Variants in SPATS2 observed in about 807,000 individuals in gnomAD.
SPATS2 encodes the protein spermatogenesis associated serine rich 2.
In SPATS2, 38 loss-of-function variants were observed where a neutral mutation model predicts 63.7. The observed-to-expected ratio is 0.60, with a 90% CI of 0.46 to 0.78. SPATS2 has a LOEUF of 0.78. SPATS2 is among the 30% of genes least tolerant of loss of function. The pLI is 0.00. For missense variants in SPATS2, 588 were observed against 666.2 expected (o/e 0.88, Z 1.29); for synonymous variants, 207 against 232.9 (o/e 0.89, Z 1.01).
chr12:49,491,054 G>A (rs1946374232), intron 6 of SPATS2: 1 of 183,352 alleles, frequency 5.5e-6, no homozygotes, highest in South Asian at 1.1e-4. Flanking sequence ...TGAGGCAGGA[G>A]AATAACTTGA....
At chr12:49,467,143 G>A (rs1036945429) in intron 3 of SPATS2, among the ~76,000 whole-genome samples, 3 of 143,474 alleles carry the variant, frequency 2.1e-5, no homozygotes, top group Non-Finnish European at 4.5e-5. Context: ...CTGCCTCCCA[G>A]GTTCAGGAGA....
intron 2 of SPATS2, among the ~76,000 whole-genome samples, chr12:49,391,520 T>C (rs1277294286): frequency 6.6e-6 from 1 of 152,024 alleles, no homozygotes; most frequent in Admixed American, 6.6e-5. Flanking sequence ...TCAAAAAATA[T>C]GTATATTTTA....
chr12:49,504,770 C>CTTTTTTTTTTTTTTTTTTTTTTTTTT (rs745453843), intron 9 of SPATS2, among the ~76,000 whole-genome samples: 1 of 98,860 alleles, frequency 1.0e-5, no homozygotes, highest in Non-Finnish European at 2.1e-5. Flanking sequence ...TTCTTTCTTT[C>CTTTTTTTTTTTTTTTTTTTTTTTTTT]TTTTTTTTTT....
chr12:49,434,739 A>G (rs185259203), intron 2 of SPATS2, among the ~76,000 whole-genome samples: 2 of 152,308 alleles, frequency 1.3e-5, no homozygotes, highest in Non-Finnish European at 2.9e-5. Context: ...TAACTTGAAT[A>G]TGGAATCTGG....
intron 2 of SPATS2, among the ~76,000 whole-genome samples, chr12:49,442,932 A>G (rs913307061): frequency 6.6e-6 from 1 of 151,876 alleles, no homozygotes; most frequent in Non-Finnish European, 1.5e-5. Flanking sequence ...GCCCCCAGCA[A>G]CTACCATTCT....
chr12:49,516,292 C>G (rs186783775), intron 10 of SPATS2, among the ~76,000 whole-genome samples: 43 of 142,160 alleles, frequency 3.0e-4, no homozygotes, highest in African/African-American at 1.1e-3. Context: ...CCCAGGAGGT[C>G]GAGGCTGCAG....
At chr12:49,490,386 G>A (rs985257818) in intron 5 of SPATS2, 36 of 314,422 alleles carry the variant, frequency 1.1e-4, no homozygotes, top group African/African-American at 7.8e-4. Flanking sequence ...TTTGTATTTG[G>A]TCTAAGATGT....
At chr12:49,413,490 A>C (rs1592373071) in intron 2 of SPATS2, among the ~76,000 whole-genome samples, 2 of 151,854 alleles carry the variant, frequency 1.3e-5, no homozygotes, top group Non-Finnish European at 2.9e-5. Context: ...CTCTCAAAGT[A>C]CTGGGATTAT....
intron 2 of SPATS2, among the ~76,000 whole-genome samples, chr12:49,375,337 T>C (rs1385373657): frequency 3.3e-5 from 5 of 152,186 alleles, no homozygotes; most frequent in African/African-American, 1.2e-4. Context: ...CCAATGATAT[T>C]ACTTCTTACT....
At chr12:49,472,187 A>T (rs897567348) in intron 3 of SPATS2, among the ~76,000 whole-genome samples, 1 of 152,162 alleles carries the variant, frequency 6.6e-6, no homozygotes, top group Non-Finnish European at 1.5e-5. Flanking sequence ...GTTTAAAATT[A>T]TAAAAATAGA....
At chr12:49,477,798 A>G (rs1390558818) in intron 3 of SPATS2, among the ~76,000 whole-genome samples, 2 of 152,054 alleles carry the variant, frequency 1.3e-5, no homozygotes, top group Admixed American at 1.3e-4. Context: ...TCCCCTTCCA[A>G]ACTTGATTCC....
intron 3 of SPATS2, among the ~76,000 whole-genome samples, chr12:49,475,984 A>G (rs1376471951): frequency 7.9e-5 from 12 of 152,170 alleles, no homozygotes; most frequent in African/African-American, 2.9e-4. Flanking sequence ...CCTTTAAATG[A>G]TATGGAAGGG....
chr12:49,451,474 GTTA>G lies in SPATS2; in HGVS notation c.-243-9292_-243-9290del, dbSNP rs1371025352. Among the ~76,000 whole-genome samples the G allele has an allele frequency of 7.2e-5, 11 of 152,020 alleles. No homozygotes were observed. In the East Asian group the frequency reaches 1.7e-3, roughly 24 times the overall value. On this transcript the variant is annotated intron_variant, in intron 2 of 13. Transcript: ENST00000552918. ...GCTATAAACCTAATAATTCAGTATT[GTTA>G]TTAATCTTGTATTACATAAAACAGT...
chr12:49,456,002 AC>A (rs1945712855), intron 2 of SPATS2, among the ~76,000 whole-genome samples: 1 of 151,988 alleles, frequency 6.6e-6, no homozygotes, highest in African/African-American at 2.4e-5. Flanking sequence ...CATGACAGCA[AC>A]CTCAGGCTAG....
chr12:49,396,737 A>G (rs1030002229), intron 2 of SPATS2, among the ~76,000 whole-genome samples: 1 of 152,172 alleles, frequency 6.6e-6, no homozygotes, highest in African/African-American at 2.4e-5. Flanking sequence ...TCTACTTCGC[A>G]TTTCATGGAT....
At chr12:49,516,155 AAAAAAAAAAAAATATATATAT>A (rs1565760713) in intron 10 of SPATS2, among the ~76,000 whole-genome samples, 2 of 45,878 alleles carry the variant, frequency 4.4e-5, no homozygotes, top group African/African-American at 1.6e-4. Context: ...AAAAAAAAAA[AAAAAAAAAAAAATATATATAT>A]ATATATATAT....
At chr12:49,429,273 A>T (rs922079047) in intron 2 of SPATS2, among the ~76,000 whole-genome samples, 7 of 152,196 alleles carry the variant, frequency 4.6e-5, no homozygotes, top group African/African-American at 1.4e-4. Context: ...TATTAAAAAA[A>T]TTAATTGGTT....
intron 3 of SPATS2, chr12:49,462,875 A>C (rs1209302683): frequency 1.5e-5 from 3 of 195,084 alleles, no homozygotes. Flanking sequence ...TTATAGGCAC[A>C]GAATGGGGCA....
chr12:49,397,073 G>A (rs142254580), intron 2 of SPATS2, among the ~76,000 whole-genome samples: 308 of 152,172 alleles, frequency 2.0e-3, no homozygotes, highest in African/African-American at 6.7e-3. Context: ...GTTCCCACTC[G>A]CTACAGGGCC....
Sources: allele counts gnomAD v4.1 joint callset (sites outside exome capture counted in the v4.1 genomes callset), GRCh38; gene constraint gnomAD v4.1.1; transcripts MANE v1.5; gene names NCBI Gene and HGNC (gene_info 2026-07-23, HGNC 2026-07-21).